The following PPP1R13B variants were observed in gnomAD, a reference collection of about 807,000 sequenced individuals.
The protein encoded by PPP1R13B is protein phosphatase 1 regulatory subunit 13B.
PPP1R13B carries 44 observed loss-of-function variants against 119.8 expected under a neutral mutation model. That is an observed-to-expected ratio of 0.37 (90% CI 0.29 to 0.47). The LOEUF (loss-of-function observed/expected upper bound fraction) is 0.47. Ranked by LOEUF, PPP1R13B falls within the 20% of genes least tolerant of loss-of-function variation. The probability of loss-of-function intolerance (pLI) is 0.99; values close to 1 mark genes in which losing one functional copy is unlikely to be tolerated. For missense variants in PPP1R13B, 1,227 were observed against 1,413.5 expected (o/e 0.87, Z 2.12); for synonymous variants, 542 against 561.5 (o/e 0.97, Z 0.49).
chr14:103,803,662 A>ATT (rs1261193984), intron 1 of PPP1R13B, among the ~76,000 whole-genome samples: 85 of 152,164 alleles, frequency 5.6e-4, no homozygotes, highest in African/African-American at 2.0e-3. Context: ...TAAATAAATA[A>ATT]ATAATTAATT....
intron 4 of PPP1R13B, among the ~76,000 whole-genome samples, chr14:103,767,124 T>C (rs2084955755): frequency 6.6e-6 from 1 of 152,108 alleles, no homozygotes; most frequent in Admixed American, 6.6e-5. Flanking sequence ...AAAGCCAGCC[T>C]GGGCAACATA....
chr14:103,841,123 T>C (rs946181024), intron 1 of PPP1R13B, among the ~76,000 whole-genome samples: 13 of 151,950 alleles, frequency 8.6e-5, no homozygotes, highest in African/African-American at 2.7e-4. Context: ...CTGTCTCTAC[T>C]AAAAATACAA....
At position 103,741,966 on chromosome 14, in the gene PPP1R13B, A is replaced by G. The variant is rs770816874; in HGVS notation, c.1646T>C (p.Leu549Pro). Residue 549 changes from leucine to proline, a missense_variant, in exon 11 of 17, where the codon CTG becomes CCG. Coordinates refer to ENST00000202556, the MANE Select transcript of PPP1R13B (RefSeq NM_015316.3). ...CAGGAAAGGCCTAATGGCCACTGTC[A>G]GTGGGAGTTCAGGCTTGCTGTCCCC... is the stretch of plus-strand genomic sequence containing the variant. ...PAGDSKPELP[L>P]TVAIRPFLAD... 2 of 1,614,242 alleles carry G rather than the reference A, an allele frequency of 1.2e-6. No individual in the cohort carries two copies. The highest frequency in any genetic ancestry group is 2.2e-5 in the South Asian group (2 of 91,092).
At chr14:103,777,386 AG>A (rs1294082617) in intron 4 of PPP1R13B, among the ~76,000 whole-genome samples, 1 of 152,186 alleles carries the variant, frequency 6.6e-6, no homozygotes, top group Non-Finnish European at 1.5e-5. Context: ...ACAATGATGG[AG>A]GAAGACACTG....
At chr14:103,809,016 C>T (rs547740593) in intron 1 of PPP1R13B, among the ~76,000 whole-genome samples, 1 of 152,014 alleles carries the variant, frequency 6.6e-6, no homozygotes, top group Non-Finnish European at 1.5e-5. Context: ...ACTGTAAAAG[C>T]GCACCACAGC....
intron 1 of PPP1R13B, among the ~76,000 whole-genome samples, chr14:103,838,867 C>A (rs964027143): frequency 2.0e-5 from 3 of 152,184 alleles, no homozygotes; most frequent in African/African-American, 7.2e-5. Context: ...AATGGCAATG[C>A]CAGCATCCAT....
chr14:103,785,669 G>A (rs1001507475), intron 2 of PPP1R13B, among the ~76,000 whole-genome samples: 35 of 151,710 alleles, frequency 2.3e-4, no homozygotes, highest in Non-Finnish European at 4.6e-4. Flanking sequence ...CCACCACCAT[G>A]ACCAGCTAAT....
At position 103,759,492 on chromosome 14, in the gene PPP1R13B, G is replaced by A. The variant is rs78337201; in HGVS notation, c.355-1741C>T. On this transcript the variant is annotated intron_variant, in intron 4 of 16. Coordinates refer to ENST00000202556, the MANE Select transcript of PPP1R13B (RefSeq NM_015316.3). ...CTGATTTTTAAAATTTTTTGTAGAG[G>A]CAGGGGTCTCACCATGTTGCCTGTG... is the stretch of plus-strand genomic sequence containing the variant. Among the ~76,000 whole-genome samples the A allele has an allele frequency of 4.7e-4, 71 of 151,836 alleles. No homozygotes were observed. In the East Asian group the frequency reaches 0.013, roughly 29 times the overall value.
At position 103,740,431 on chromosome 14, in the gene PPP1R13B, G is replaced by A. The variant is rs1211580793; in HGVS notation, c.1985C>T (p.Thr662Ile). The A allele has an allele frequency of 1.2e-6, 2 of 1,602,998 alleles. No homozygotes were observed. Among genetic ancestry groups the A allele is most frequent in the Non-Finnish European group, 1.7e-6 (2 of 1,173,752 alleles). Reference protein sequence around the residue: ...DGPAAPADGSTVESLPRPLSP... With the variant: ...DGPAAPADGSIVESLPRPLSP... The stretch of plus-strand genomic sequence containing the variant: ...GAGTGGCCGTGGCAGGCTCTCCACG[G>A]TGCTGCCATCTGCGGGGGCGGCGGG... The change falls in exon 12 of 17, where the codon ACC (threonine) becomes ATC (isoleucine). Residue 662 changes from threonine (T) to isoleucine (I), a missense_variant. Physicochemically the swap from Thr to Ile is moderately conservative, Grantham distance 89. Coordinates refer to ENST00000202556, the MANE Select transcript of PPP1R13B (RefSeq NM_015316.3). This position sits in a 1 kb window ranked among gnomAD's most constrained non-coding sequence, Gnocchi z 4.6.
At chr14:103,808,887 G>C (rs1263144757) in intron 1 of PPP1R13B, among the ~76,000 whole-genome samples, 1 of 151,750 alleles carries the variant, frequency 6.6e-6, no homozygotes, top group Non-Finnish European at 1.5e-5. Context: ...CTTTTTTTTA[G>C]AGACAGGATC....
intron 4 of PPP1R13B, among the ~76,000 whole-genome samples, chr14:103,772,699 G>A (rs1251864666): frequency 6.7e-6 from 1 of 148,640 alleles, no homozygotes; most frequent in Non-Finnish European, 1.5e-5. Context: ...TTGAGACAGA[G>A]TCTTACTCTG....
chr14:103,824,010 T>C (rs2086475227), intron 1 of PPP1R13B, among the ~76,000 whole-genome samples: 2 of 151,942 alleles, frequency 1.3e-5, no homozygotes, highest in Admixed American at 1.3e-4. Context: ...ACAATATGTT[T>C]TGTCAGCTGA....
chr14:103,822,138 CTT>C (rs1054527061), intron 1 of PPP1R13B, among the ~76,000 whole-genome samples: 1 of 146,126 alleles, frequency 6.8e-6, no homozygotes. Flanking sequence ...CAAAAAGCCA[CTT>C]TTTTTTTTTT....
chr14:103,807,252 CGA>C (rs1419075104), intron 1 of PPP1R13B, among the ~76,000 whole-genome samples: 1 of 152,172 alleles, frequency 6.6e-6, no homozygotes, highest in Non-Finnish European at 1.5e-5. Flanking sequence ...TTTCCTTAAC[CGA>C]GAGTCTACCT....
intron 5 of PPP1R13B, among the ~76,000 whole-genome samples, chr14:103,756,658 G>A (rs535536891): frequency 3.9e-5 from 6 of 152,220 alleles, no homozygotes; most frequent in Non-Finnish European, 5.9e-5. Flanking sequence ...TTTTCATCAC[G>A]GATTGCTGCT....
At chr14:103,779,445 T>C (rs1048405910) in intron 3 of PPP1R13B, among the ~76,000 whole-genome samples, 4 of 152,170 alleles carry the variant, frequency 2.6e-5, no homozygotes, top group African/African-American at 9.7e-5. Flanking sequence ...GTAAATTTTA[T>C]GTGTATTTTA....
chr14:103,750,310 A>T (rs1863218623), intron 7 of PPP1R13B, among the ~76,000 whole-genome samples: 1 of 152,214 alleles, frequency 6.6e-6, no homozygotes, highest in African/African-American at 2.4e-5. Context: ...GGCAGCAGGA[A>T]ACTCAAAAAG....
chr14:103,761,831 C>A (rs2084814157), intron 4 of PPP1R13B, among the ~76,000 whole-genome samples: 1 of 151,756 alleles, frequency 6.6e-6, no homozygotes. Flanking sequence ...GGTATTTTGA[C>A]ATTACAATTT....
chr14:103,804,039 T>G, intron 1 of PPP1R13B: 1 of 984,140 alleles, frequency 1.0e-6, no homozygotes, highest in Non-Finnish European at 1.2e-6. Context: ...ACAGTATCTG[T>G]GACTCATTAC....
Sources: gnomAD v4.1 joint callset for allele counts (sites outside exome capture counted in the v4.1 genomes callset) on GRCh38, gnomAD v4.1.1 for gene constraint, Gnocchi (gnomAD v3.1) non-coding constraint, MANE v1.5 for transcripts, NCBI Gene and HGNC (gene_info 2026-07-23, HGNC 2026-07-21) for gene names.